GALNT13: variants seen among roughly 807,000 people sequenced by gnomAD.
The protein encoded by GALNT13 is polypeptide N-acetylgalactosaminyltransferase 13.
Under a neutral mutation model 64.2 loss-of-function variants are expected in GALNT13, and 28 were observed. That is an observed-to-expected ratio of 0.44 (90% CI 0.32 to 0.60). The LOEUF is 0.60. Ranked by LOEUF, GALNT13 falls within the 20% of genes least tolerant of loss-of-function variation. GALNT13 has a pLI of 0.05. For missense variants in GALNT13, 577 were observed against 669.8 expected (o/e 0.86, Z 1.53); for synonymous variants, 214 against 224.6 (o/e 0.95, Z 0.42).
At chr2:153,780,813 G>A in the GALNT13 span, among the ~76,000 whole-genome samples, 1 of 152,140 alleles carries the variant, frequency 6.6e-6, no homozygotes, top group Non-Finnish European at 1.5e-5. Flanking sequence ...AGATTGAGGG[G>A]TTATTATGTG....
At chr2:154,423,194 A>G (rs775340) in intron 11 of GALNT13, among the ~76,000 whole-genome samples, 150,901 of 151,912 alleles carry the variant, frequency 0.99, 74,953 homozygotes, top group Middle Eastern at 1. Flanking sequence ...AGTTTGCTGA[A>G]AATGATGGTT....
chr2:153,388,199 G>A, the GALNT13 span, among the ~76,000 whole-genome samples: 2 of 152,028 alleles, frequency 1.3e-5, no homozygotes, highest in Non-Finnish European at 2.9e-5. Context: ...CTTGAAATAT[G>A]ACCTCTAACT....
intron 9 of GALNT13, among the ~76,000 whole-genome samples, chr2:154,364,392 C>T (rs6725397): frequency 0.65 from 98,731 of 151,944 alleles, 32,529 homozygotes; most frequent in East Asian, 0.78. Flanking sequence ...CTGATGATTA[C>T]GGAAGACTGG....
the GALNT13 span, among the ~76,000 whole-genome samples, chr2:153,498,040 G>A: frequency 2.0e-5 from 3 of 152,190 alleles, no homozygotes; most frequent in African/African-American, 7.2e-5. Context: ...GCCGCTGTCG[G>A]GAAATGTGCC....
At chr2:153,712,207 A>G in the GALNT13 span, among the ~76,000 whole-genome samples, 1 of 152,182 alleles carries the variant, frequency 6.6e-6, no homozygotes, top group Non-Finnish European at 1.5e-5. Flanking sequence ...ATGTGCTTCA[A>G]TTAGAAGTAT....
intron 10 of GALNT13, 141 bp from the exon 11 acceptor site, chr2:154,408,842 AG>A (rs1397171815): frequency 1.6e-6 from 1 of 624,710 alleles, no homozygotes; most frequent in African/African-American, 1.9e-5. Context: ...AAATATTTAA[AG>A]TAATATGTTT....
chr2:153,589,993 T>C, the GALNT13 span, among the ~76,000 whole-genome samples: 1 of 151,944 alleles, frequency 6.6e-6, no homozygotes, highest in Non-Finnish European at 1.5e-5. Context: ...CCAAAATTAG[T>C]AGAAGAAAAT....
chr2:154,291,541 G>C (rs1407806204), intron 8 of GALNT13, among the ~76,000 whole-genome samples: 3 of 152,216 alleles, frequency 2.0e-5, no homozygotes, highest in African/African-American at 2.4e-5. Flanking sequence ...TGGCAGCCCA[G>C]AGAGAGCTTG....
chr2:154,319,378 A>G (rs74946874), intron 9 of GALNT13, among the ~76,000 whole-genome samples: 4 of 152,286 alleles, frequency 2.6e-5, no homozygotes, highest in Non-Finnish European at 5.9e-5. Context: ...ATCAATCCTT[A>G]ATATAGGCCA....
the GALNT13 span, among the ~76,000 whole-genome samples, chr2:153,558,210 C>T: frequency 6.6e-6 from 1 of 152,128 alleles, no homozygotes; most frequent in Non-Finnish European, 1.5e-5. Flanking sequence ...TATAACCTAA[C>T]CCTCGGTGCA....
chr2:153,412,238 G>C, the GALNT13 span, among the ~76,000 whole-genome samples: 1 of 151,888 alleles, frequency 6.6e-6, no homozygotes, highest in Non-Finnish European at 1.5e-5. Context: ...TAATACACCA[G>C]TGTAGCCTGG....
At chr2:154,423,364 A>G (rs957489173) in intron 11 of GALNT13, among the ~76,000 whole-genome samples, 1 of 152,144 alleles carries the variant, frequency 6.6e-6, no homozygotes, top group Non-Finnish European at 1.5e-5. Flanking sequence ...TAGTGCCACA[A>G]TAAACATACG....
chr2:154,374,419 G>A (rs1468207388), intron 9 of GALNT13, among the ~76,000 whole-genome samples: 1 of 152,140 alleles, frequency 6.6e-6, no homozygotes, highest in Admixed American at 6.5e-5. Context: ...GATGGCTCTT[G>A]TTTAGTACAA....
the GALNT13 span, among the ~76,000 whole-genome samples, chr2:153,536,081 C>T: frequency 6.6e-6 from 1 of 152,134 alleles, no homozygotes; most frequent in African/African-American, 2.4e-5. Flanking sequence ...TTAGGAGAAA[C>T]TTTTTAAGAA....
chr2:154,261,810 C>CATAAACTCAACTGTAAAAAGGTGATT (rs1183728865), intron 8 of GALNT13, among the ~76,000 whole-genome samples: 91 of 152,082 alleles, frequency 6.0e-4, no homozygotes, highest in Middle Eastern at 3.4e-3. Context: ...TATAGGTGAA[C>CATAAACTCAACTGTAAAAAGGTGATT]ATAAACTCAA....
At chr2:153,160,597 A>G in the GALNT13 span, among the ~76,000 whole-genome samples, 1 of 152,214 alleles carries the variant, frequency 6.6e-6, no homozygotes, top group Non-Finnish European at 1.5e-5. Context: ...ATGACTACAC[A>G]AGTGTACTCT....
At chr2:153,711,422 T>G in the GALNT13 span, among the ~76,000 whole-genome samples, 2 of 152,126 alleles carry the variant, frequency 1.3e-5, no homozygotes, top group South Asian at 2.1e-4. Context: ...TACCGTGTAC[T>G]AGGAACTATG....
At chr2:153,683,336 A>G in the GALNT13 span, among the ~76,000 whole-genome samples, 1 of 151,792 alleles carries the variant, frequency 6.6e-6, no homozygotes, top group African/African-American at 2.4e-5. Context: ...AAAATGGCCA[A>G]TAATTATAAG....
the GALNT13 span, chr2:153,477,347 A>G: frequency 6.6e-6 from 1 of 152,664 alleles, no homozygotes; most frequent in Non-Finnish European, 1.5e-5. Context: ...AAAACGCTTA[A>G]ATGTTGCATT....
Sources: allele counts gnomAD v4.1 joint callset (sites outside exome capture counted in the v4.1 genomes callset), GRCh38; gene constraint gnomAD v4.1.1; transcripts MANE v1.5; gene names NCBI Gene and HGNC (gene_info 2026-07-23, HGNC 2026-07-21).